Variants in PPP2R2C observed in about 807,000 individuals in gnomAD.
PPP2R2C encodes the protein protein phosphatase 2, regulatory subunit B, gamma.
In PPP2R2C, 10 loss-of-function variants were observed where a neutral mutation model predicts 45.3. That is an observed-to-expected ratio of 0.22 (90% CI 0.14 to 0.37). The LOEUF (loss-of-function observed/expected upper bound fraction) is 0.37, where lower values mean the gene tolerates loss of function less well. Ranked by LOEUF, PPP2R2C falls within the 10% of genes least tolerant of loss-of-function variation. The pLI, the probability that PPP2R2C is intolerant of heterozygous loss-of-function variation, is 1.00. For missense variants in PPP2R2C, 308 were observed against 619.7 expected, an observed-to-expected ratio of 0.50 and a Z score of 5.34; for synonymous variants, 257 against 245.4, an observed-to-expected ratio of 1.05 and a Z score of -0.44.
At chr4:6,398,573 G>A (rs1337574821) in intron 1 of PPP2R2C, among the ~76,000 whole-genome samples, 4 of 152,132 alleles carry the variant, frequency 2.6e-5, no homozygotes, top group African/African-American at 9.7e-5. Context: ...ACCCATCAGA[G>A]TGGCGAACAT....
chr4:6,410,521 A>G (rs998764497), intron 1 of PPP2R2C, among the ~76,000 whole-genome samples: 8 of 152,192 alleles, frequency 5.3e-5, no homozygotes, highest in African/African-American at 1.9e-4. Context: ...TAAAATATCA[A>G]AAAGATGGGG....
intron 1 of PPP2R2C, among the ~76,000 whole-genome samples, chr4:6,428,114 A>G (rs1054613556): frequency 5.3e-5 from 8 of 152,198 alleles, no homozygotes; most frequent in African/African-American, 1.9e-4. Context: ...GTCACAATCC[A>G]TACCTTCCTC....
intron 1 of PPP2R2C, among the ~76,000 whole-genome samples, chr4:6,535,869 G>C (rs534407901): frequency 3.3e-5 from 5 of 152,220 alleles, no homozygotes; most frequent in Non-Finnish European, 7.3e-5. Context: ...GGCCACTGAG[G>C]TCCCACTGTG....
intron 5 of PPP2R2C, among the ~76,000 whole-genome samples, chr4:6,356,519 GC>G (rs965014782): frequency 6.6e-6 from 1 of 152,238 alleles, no homozygotes; most frequent in African/African-American, 2.4e-5. Flanking sequence ...CTCCAGCTCT[GC>G]CGCTTGCTAG....
intron 2 of PPP2R2C, among the ~76,000 whole-genome samples, chr4:6,516,452 C>T (rs1723831943): frequency 6.6e-6 from 1 of 152,348 alleles, no homozygotes; most frequent in Admixed American, 6.5e-5. Flanking sequence ...TCAGAGAGGG[C>T]CTGGCTAGCC....
chr4:6,339,911 G>A (rs1289472518), intron 6 of PPP2R2C, among the ~76,000 whole-genome samples: 1 of 152,218 alleles, frequency 6.6e-6, no homozygotes, highest in Non-Finnish European at 1.5e-5. Context: ...GGTCCGAGAA[G>A]CAGAAGAAGG....
intron 5 of PPP2R2C, among the ~76,000 whole-genome samples, chr4:6,372,074 T>C (rs1434012447): frequency 6.6e-6 from 1 of 152,226 alleles, no homozygotes; most frequent in Non-Finnish European, 1.5e-5. Context: ...TCTGACACCC[T>C]GGTTGTCACC....
At chr4:6,478,953 A>C (rs1021111582) in intron 2 of PPP2R2C, among the ~76,000 whole-genome samples, 1 of 152,132 alleles carries the variant, frequency 6.6e-6, no homozygotes, top group Non-Finnish European at 1.5e-5. Flanking sequence ...ACAATTCACA[A>C]AACCACCACA....
intron 1 of PPP2R2C, among the ~76,000 whole-genome samples, chr4:6,451,995 C>T (rs189001646): frequency 2.8e-3 from 431 of 152,226 alleles, no homozygotes; most frequent in African/African-American, 9.1e-3. Flanking sequence ...CAGTGTGGAC[C>T]GAGCTGCAGG....
chr4:6,335,448 C>T (rs1247059839), intron 6 of PPP2R2C, among the ~76,000 whole-genome samples: 2 of 152,018 alleles, frequency 1.3e-5, no homozygotes, highest in Non-Finnish European at 2.9e-5. Context: ...CGCCAAGGGC[C>T]GTGCAGGCAG....
intron 5 of PPP2R2C, among the ~76,000 whole-genome samples, chr4:6,369,734 C>T (rs1714648134): frequency 6.6e-6 from 1 of 152,206 alleles, no homozygotes; most frequent in Non-Finnish European, 1.5e-5. Context: ...AATTCCTTCT[C>T]TGGCTTCCTT....
chr4:6,382,554 C>T (rs1715880914), intron 1 of PPP2R2C: 1 of 1,339,074 alleles, frequency 7.5e-7, no homozygotes, highest in South Asian at 1.2e-5. Flanking sequence ...TCCTCTGCAG[C>T]TTCCCCAGTC....
At chr4:6,357,814 G>T (rs1022411104) in intron 5 of PPP2R2C, among the ~76,000 whole-genome samples, 3 of 152,154 alleles carry the variant, frequency 2.0e-5, no homozygotes, top group Non-Finnish European at 4.4e-5. Flanking sequence ...CAGCAAAGCG[G>T]GGTTTCTTCC....
intron 1 of PPP2R2C, chr4:6,382,642 CTCTCTCTCTCTCTCTCTCTCT>C: frequency 6.6e-6 from 1 of 150,730 alleles, no homozygotes; most frequent in Non-Finnish European, 1.3e-5. Flanking sequence ...CTCTCTCTCT[CTCTCTCTCTCTCTCTCTCTCT>C]CTCTCTCTCT....
chr4:6,334,488 T>A (rs1477806795), intron 6 of PPP2R2C, among the ~76,000 whole-genome samples: 2 of 152,098 alleles, frequency 1.3e-5, no homozygotes, highest in Non-Finnish European at 2.9e-5. Flanking sequence ...ACTGCCCCCA[T>A]AACCTGGCCT....
At position 6,321,242 on chromosome 4, in the gene PPP2R2C, T is replaced by A. The variant is rs567495471; in HGVS notation, c.*2060A>T. The A allele has an allele frequency of 6.6e-6, 1 of 152,526 alleles. No individual in the cohort carries two copies. Among genetic ancestry groups the A allele is most frequent in the South Asian group, 2.1e-4 (1 of 4,826 alleles). 9.4% of individuals were successfully genotyped at this position (152,526 alleles called of 1,614,324 possible). ...AAATACAAGTTTCTTCTCTTAACAT[T>A]TGACTCACAAAGGGAGATGGATCGT... On this transcript the variant is annotated 3_prime_UTR_variant, in exon 9 of 9. Coordinates refer to ENST00000382599, the MANE Select transcript of PPP2R2C (RefSeq NM_020416.4).
rs1001458410 is a variant in PPP2R2C at position 6,471,999 on chromosome 4, G to GTGGGATGGGA, written c.70+151_70+160dup. On this transcript the variant is annotated intron_variant, in intron 1 of 8. Transcript: ENST00000382599. This position sits in a 1 kb window ranked among gnomAD's most constrained non-coding sequence, Gnocchi z 5.6. ...CCCTCCCTCCTGGGCCCCGGGCAGG[G>GTGGGATGGGA]TGGGATGGGATGGGGTGGGGTGGGG... Among the ~76,000 whole-genome samples the GTGGGATGGGA allele has an allele frequency of 6.9e-6, 1 of 143,906 alleles. No homozygotes were observed. Among genetic ancestry groups the GTGGGATGGGA allele is most frequent in the Non-Finnish European group, 1.5e-5 (1 of 65,294 alleles). 94.4% of individuals were successfully genotyped at this position (143,906 alleles called of 152,430 possible).
chr4:6,348,580 T>C, intron 5 of PPP2R2C: 4 of 919,732 alleles, frequency 4.3e-6, no homozygotes, highest in Non-Finnish European at 5.2e-6. Context: ...GCAAAGGTTC[T>C]TCTGGGTTTC....
At chr4:6,381,895 A>G in intron 1 of PPP2R2C, 2 of 1,599,594 alleles carry the variant, frequency 1.3e-6, no homozygotes, top group East Asian at 2.2e-5. Flanking sequence ...CACCCCTTCC[A>G]TCACCAACAT....
Sources: gnomAD v4.1 joint callset for allele counts (sites outside exome capture counted in the v4.1 genomes callset) on GRCh38, gnomAD v4.1.1 for gene constraint, Gnocchi (gnomAD v3.1) non-coding constraint, MANE v1.5 for transcripts, NCBI Gene and HGNC (gene_info 2026-07-23, HGNC 2026-07-21) for gene names.